The following KIRREL3 variants were observed in gnomAD, a reference collection of about 807,000 sequenced individuals.
KIRREL3 encodes kirre like nephrin family adhesion molecule 3.
A neutral mutation model predicts 89.7 loss-of-function variants in KIRREL3; 36 were observed. The observed-to-expected ratio is 0.40, with a 90% CI of 0.31 to 0.53. KIRREL3 has a LOEUF of 0.53. Ranked by LOEUF, KIRREL3 falls within the 20% of genes least tolerant of loss-of-function variation. The probability of loss-of-function intolerance (pLI) is 0.49; values close to 1 mark genes in which losing one functional copy is unlikely to be tolerated. For missense variants in KIRREL3, 864 were observed against 1,056.6 expected (o/e 0.82, Z 2.53); for synonymous variants, 445 against 441.4 (o/e 1.01, Z -0.10).
At chr11:126,738,877 T>G (rs958518436) in intron 1 of KIRREL3, among the ~76,000 whole-genome samples, 2 of 152,212 alleles carry the variant, frequency 1.3e-5, no homozygotes, top group Admixed American at 1.3e-4. Flanking sequence ...CAGACAATCC[T>G]CACAGGCAGA....
chr11:126,838,833 T>G (rs1943863374), intron 1 of KIRREL3, among the ~76,000 whole-genome samples: 1 of 152,212 alleles, frequency 6.6e-6, no homozygotes, highest in African/African-American at 2.4e-5. Context: ...AAAACGGGAC[T>G]TGTTTGGCAT....
intron 1 of KIRREL3, among the ~76,000 whole-genome samples, chr11:126,741,245 G>T (rs1337499134): frequency 1.3e-5 from 2 of 152,138 alleles, no homozygotes; most frequent in African/African-American, 2.4e-5. Context: ...TAATCCAGAT[G>T]CCCATAATGC....
rs1192653777 is a variant in KIRREL3, at chr11:126,991,781, A to G, written c.55+8674T>C. 2.0e-5 allele frequency among the ~76,000 whole-genome samples: 3 copies of G among 152,228 alleles called. No homozygotes were observed. Among genetic ancestry groups the G allele is most frequent in the Admixed American group, 6.5e-5 (1 of 15,290 alleles). ...TAGACACTGGGGATTGCCACAAATT[A>G]TAAGACTATGACCTGTCTTATGACA... On this transcript the variant is annotated intron_variant, in intron 1 of 16. Transcript: ENST00000525144. The surrounding 1 kb of genome is among the most constrained non-coding windows in gnomAD (Gnocchi z 5.8).
At chr11:126,631,339 G>A (rs535908306) in intron 1 of KIRREL3, among the ~76,000 whole-genome samples, 38 of 152,232 alleles carry the variant, frequency 2.5e-4, no homozygotes, top group South Asian at 1.2e-3. Flanking sequence ...GGCAAATGTC[G>A]GAGCCAGAGT....
intron 15 of KIRREL3, 26 bp from the exon 16 acceptor site, chr11:126,425,750 T>C: frequency 6.4e-7 from 1 of 1,563,208 alleles, no homozygotes; most frequent in Non-Finnish European, 8.7e-7. Flanking sequence ...GGCTGCTCAG[T>C]AGATAGGAGG....
At position 126,526,446 on chromosome 11, in the gene KIRREL3, A is replaced by G; in HGVS notation, c.283+92T>C. On this transcript the variant is annotated intron_variant, in intron 3 of 16. Transcript: ENST00000525144. The surrounding 1 kb of genome is among the most constrained non-coding windows in gnomAD (Gnocchi z 5.7). ...AAAGCTAGAGATTCGATACTCAGAC[A>G]CCTGTGAAGATGGGTGCTCCCTAGG... The G allele has an allele frequency of 5.6e-6, 7 of 1,249,548 alleles. No homozygotes were observed. The highest frequency in any genetic ancestry group is 7.8e-6 in the Non-Finnish European group (7 of 892,680). 77.4% of individuals were successfully genotyped at this position (1,249,548 alleles called of 1,614,324 possible). A position where few individuals can be genotyped will look rare whatever the true frequency, so the allele number is the denominator to read the frequency against.
rs926748347 is a variant in KIRREL3, at chr11:126,687,879, G to A, written c.56-124967C>T. ...GCAAGGCACAGGCTCCACTGCCAGC[G>A]AGGGAGAAAGCCCTCCTAGGCCCGA... On this transcript the variant is annotated intron_variant, in intron 1 of 16. Coordinates refer to ENST00000525144, the MANE Select transcript of KIRREL3 (RefSeq NM_032531.4). The surrounding 1 kb of genome is among the most constrained non-coding windows in gnomAD (Gnocchi z 4.6). Among the ~76,000 whole-genome samples the A allele has an allele frequency of 3.9e-5, 6 of 152,218 alleles. No individual in the cohort carries two copies. Among genetic ancestry groups the A allele is most frequent in the African/African-American group, 1.4e-4 (6 of 41,458 alleles).
chr11:126,665,973 A>G (rs114815002), intron 1 of KIRREL3, among the ~76,000 whole-genome samples: 288 of 152,372 alleles, frequency 1.9e-3, no homozygotes, highest in African/African-American at 6.5e-3. Flanking sequence ...AGTAGTTTAT[A>G]CTTATACTGT....
intron 1 of KIRREL3, among the ~76,000 whole-genome samples, chr11:126,718,224 C>A (rs566362418): frequency 9.8e-5 from 15 of 152,302 alleles, no homozygotes; most frequent in African/African-American, 3.6e-4. Context: ...CGGGCCCACC[C>A]AGAACTGCAG....
intron 1 of KIRREL3, among the ~76,000 whole-genome samples, chr11:126,932,064 C>T (rs1223648155): frequency 6.6e-6 from 1 of 152,178 alleles, no homozygotes; most frequent in Non-Finnish European, 1.5e-5. Flanking sequence ...GAGTCCATTT[C>T]CATTTTGTGG....
rs928372636 is a variant in KIRREL3 at position 126,666,294 on chromosome 11, G to C, written c.56-103382C>G. On this transcript the variant is annotated intron_variant, in intron 1 of 16. Coordinates refer to ENST00000525144, the MANE Select transcript of KIRREL3 (RefSeq NM_032531.4). The surrounding 1 kb of genome is among the most constrained non-coding windows in gnomAD (Gnocchi z 4.2). ...TGGACAGCCTTGGGTTTTACCTCCT[G>C]TCCAGGCACCCGTTCCTCTTTCTGC... Among the ~76,000 whole-genome samples, 1 of 152,164 alleles carries C rather than the reference G, an allele frequency of 6.6e-6. No homozygotes were observed. Among genetic ancestry groups the C allele is most frequent in the East Asian group, 1.9e-4 (1 of 5,186 alleles).
At position 126,837,978 on chromosome 11, in the gene KIRREL3, C is replaced by T. The variant is rs1034753639; in HGVS notation, c.55+162477G>A. On this transcript the variant is annotated intron_variant, in intron 1 of 16. Coordinates refer to ENST00000525144, the MANE Select transcript of KIRREL3 (RefSeq NM_032531.4). This position sits in a 1 kb window ranked among gnomAD's most constrained non-coding sequence, Gnocchi z 4.7. ...ATTATCTTGGGTTATTTGGAATTCA[C>T]GTTATTTATATTACTAATCCTGTCC... Among the ~76,000 whole-genome samples the T allele has an allele frequency of 2.0e-5, 3 of 152,170 alleles. No individual in the cohort carries two copies. The highest frequency in any genetic ancestry group is 4.8e-5 in the African/African-American group (2 of 41,426).
At chr11:126,975,619 A>G (rs1486588509) in intron 1 of KIRREL3, among the ~76,000 whole-genome samples, 1 of 152,128 alleles carries the variant, frequency 6.6e-6, no homozygotes, top group Non-Finnish European at 1.5e-5. Flanking sequence ...TTCTCTTCTA[A>G]GCCAGTTTTC....
intron 1 of KIRREL3, among the ~76,000 whole-genome samples, chr11:126,584,806 A>G (rs571623): frequency 6.6e-6 from 1 of 152,228 alleles, no homozygotes; most frequent in Non-Finnish European, 1.5e-5. Flanking sequence ...CCACAACCCC[A>G]ATGATGGGCA....
At position 126,764,680 on chromosome 11, in the gene KIRREL3, C is replaced by A. The variant is rs1161172738; in HGVS notation, c.56-201768G>T. ...ATGCACACGTGGGCACGTGCAAACT[C>A]TCTCAGTGTAGGCTCTGAATGCTGC... On this transcript the variant is annotated intron_variant, in intron 1 of 16. Transcript: ENST00000525144. The surrounding 1 kb of genome is among the most constrained non-coding windows in gnomAD (Gnocchi z 4.2). 6.6e-5 allele frequency among the ~76,000 whole-genome samples: 10 copies of A among 152,218 alleles called. No individual in the cohort carries two copies. The highest frequency in any genetic ancestry group is 2.0e-4 in the Admixed American group (3 of 15,284).
Position 126,805,681 on chromosome 11 carries a change from G to A in KIRREL3, c.55+194774C>T, listed in dbSNP as rs761589162. Among the ~76,000 whole-genome samples, 1 of 152,168 alleles carries A rather than the reference G, an allele frequency of 6.6e-6. No homozygotes were observed. The highest frequency in any genetic ancestry group is 1.5e-5 in the Non-Finnish European group (1 of 68,022). ...GTACAAAGTATGTAATAGATATTAC[G>A]TTTTTATTTACTACTATGTATGTAA... On this transcript the variant is annotated intron_variant, in intron 1 of 16. Coordinates refer to ENST00000525144, the MANE Select transcript of KIRREL3 (RefSeq NM_032531.4). This position sits in a 1 kb window ranked among gnomAD's most constrained non-coding sequence, Gnocchi z 4.3.
chr11:126,614,365 C>A lies in KIRREL3; in HGVS notation c.56-51453G>T, dbSNP rs1943259228. On this transcript the variant is annotated intron_variant, in intron 1 of 16. Transcript: ENST00000525144. This position sits in a 1 kb window ranked among gnomAD's most constrained non-coding sequence, Gnocchi z 4.6. ...TAAGTAGGTTTGTGACCTTGGACAA[C>A]TCACTTCCATTCTTTGCGCTGTTTT... is the stretch of plus-strand genomic sequence containing the variant. Among the ~76,000 whole-genome samples, 1 of 152,108 alleles carries A rather than the reference C, an allele frequency of 6.6e-6. No individual in the cohort carries two copies. Among genetic ancestry groups the A allele is most frequent in the South Asian group, 2.1e-4 (1 of 4,824 alleles).
rs960000924 is a variant in KIRREL3 at position 126,719,757 on chromosome 11, C to A, written c.56-156845G>T. On this transcript the variant is annotated intron_variant, in intron 1 of 16. Coordinates refer to ENST00000525144, the MANE Select transcript of KIRREL3 (RefSeq NM_032531.4). The surrounding 1 kb of genome is among the most constrained non-coding windows in gnomAD (Gnocchi z 4.7). Reference sequence around the variant, plus strand: ...TTTCAATCTTTTATCCAGAAAATGACCACTTCTTACAACCTCTGCTGCCCC... The same window carrying A: ...TTTCAATCTTTTATCCAGAAAATGAACACTTCTTACAACCTCTGCTGCCCC... Among the ~76,000 whole-genome samples, 2 of 152,160 alleles carry A rather than the reference C, an allele frequency of 1.3e-5. No homozygotes were observed. Among genetic ancestry groups the A allele is most frequent in the Non-Finnish European group, 2.9e-5 (2 of 68,040 alleles).
rs971006663 is a variant in KIRREL3, at chr11:126,607,143, G to A, written c.56-44231C>T. 6.6e-6 allele frequency among the ~76,000 whole-genome samples: 1 copy of A among 152,204 alleles called. No homozygotes were observed. Among genetic ancestry groups the A allele is most frequent in the African/African-American group, 2.4e-5 (1 of 41,452 alleles). ...GCTAGGGCCTCCCAGGAGGTCGTCA[G>A]AGTGGATGGAGGGGCAAAGCCAGGA... is the stretch of plus-strand genomic sequence containing the variant. On this transcript the variant is annotated intron_variant, in intron 1 of 16. Transcript: ENST00000525144. This position sits in a 1 kb window ranked among gnomAD's most constrained non-coding sequence, Gnocchi z 6.6.
Sources: gnomAD v4.1 joint callset for allele counts (sites outside exome capture counted in the v4.1 genomes callset) on GRCh38, gnomAD v4.1.1 for gene constraint, Gnocchi (gnomAD v3.1) non-coding constraint, MANE v1.5 for transcripts, NCBI Gene and HGNC (gene_info 2026-07-23, HGNC 2026-07-21) for gene names.